RAB43: variants seen among roughly 807,000 people sequenced by gnomAD.
RAB43 encodes the protein ras-related protein Rab-43.
Under a neutral mutation model 18.8 loss-of-function variants are expected in RAB43, and 6 were observed. The ratio of observed to expected loss-of-function variants is 0.32; its 90% CI spans 0.17 to 0.63. RAB43 has a LOEUF of 0.63. Ranked by LOEUF, RAB43 falls within the 30% of genes least tolerant of loss-of-function variation. The probability of loss-of-function intolerance (pLI) is 0.79; values close to 1 mark genes in which losing one functional copy is unlikely to be tolerated. For missense variants in RAB43, 195 were observed against 289.1 expected (o/e 0.67, Z 2.36); for synonymous variants, 103 against 124.1 (o/e 0.83, Z 1.13).
At chr3:129,110,666 G>A (rs555733287) in intron 1 of RAB43, among the ~76,000 whole-genome samples, 3 of 149,728 alleles carry the variant, frequency 2.0e-5, no homozygotes, top group East Asian at 1.9e-4. Context: ...GTGAAACCCC[G>A]TCTCTATTAA....
rs372100284 is a variant in RAB43, at chr3:129,115,848, T to A, written c.204+5438A>T. ...AAAAACAAATAAAAATATTAAATGG[T>A]AGATTCTAGAAATAATGCATAAGTC... On this transcript the variant is annotated intron_variant, in intron 1 of 2. Transcript: ENST00000315150. 1.5e-4 allele frequency among the ~76,000 whole-genome samples: 23 copies of A among 152,232 alleles called. 1 individual carries two copies. In the East Asian group the frequency reaches 4.2e-3, roughly 28 times the overall value.
rs56235562 is a variant in RAB43, at chr3:129,121,068, GCCCCC to G, written c.204+213_204+217del. On this transcript the variant is annotated intron_variant, in intron 1 of 2. Coordinates refer to ENST00000315150, the MANE Select transcript of RAB43 (RefSeq NM_198490.3). ...AGGGCCGCCTCCTCCACACTCCCTC[GCCCCC>G]CCCCCCCCCAGCAACCCACGGCCGG... Among the ~76,000 whole-genome samples the G allele has an allele frequency of 3.7e-5, 3 of 82,156 alleles. No individual in the cohort carries two copies. The South Asian group carries it at 1.3e-3, about 36-fold the overall frequency. The allele number at this position is 82,156 out of a possible 152,430, so 53.9% of individuals were successfully genotyped here. A position where few individuals can be genotyped will look rare whatever the true frequency, so the allele number is the denominator to read the frequency against.
intron 1 of RAB43, among the ~76,000 whole-genome samples, chr3:129,098,122 T>A (rs1018399096): frequency 6.6e-6 from 1 of 151,756 alleles, no homozygotes; most frequent in Non-Finnish European, 1.5e-5. Flanking sequence ...GGTTCAGGAG[T>A]GCTAGGGGAT....
In RAB43 at chr3:129,095,306, C is replaced by A. The variant is rs73212412; in HGVS notation, c.205-137G>T. On this transcript the variant is annotated intron_variant, in intron 1 of 2. Transcript: ENST00000315150. This position sits in a 1 kb window ranked among gnomAD's most constrained non-coding sequence, Gnocchi z 4.2. The stretch of plus-strand genomic sequence containing the variant: ...CCTTCTGAGTCCTTAGAAAGCAACT[C>A]AATGGCTCAACCTTGTTGGAAAAAT... The A allele has an allele frequency of 1.6e-6, 2 of 1,247,570 alleles. No homozygotes were observed. The highest frequency in any genetic ancestry group is 5.8e-5 in the Admixed American group (2 of 34,580). The allele number at this position is 1,247,570 out of a possible 1,614,324, so 77.3% of individuals were successfully genotyped here. A position where few individuals can be genotyped will look rare whatever the true frequency, so the allele number is the denominator to read the frequency against.
Position 129,095,043 on chromosome 3 carries a change from G to A in RAB43, c.331C>T (p.His111Tyr). The change falls in exon 2 of 3, where the codon CAC (histidine) becomes TAC (tyrosine). Residue 111 changes from histidine to tyrosine, a missense_variant. Physicochemically the swap from His to Tyr is moderately conservative, Grantham distance 83 (BLOSUM62 2). Coordinates refer to ENST00000315150, the MANE Select transcript of RAB43 (RefSeq NM_198490.3). The surrounding 1 kb of genome is among the most constrained non-coding windows in gnomAD (Gnocchi z 4.2). ...TACTTCCTCACATCCTCAATCCAGT[G>A]AGGCACCGACAGGAAGGAGCTCCTC... is the stretch of plus-strand genomic sequence containing the variant. ...TKRSSFLSVP[H>Y]WIEDVRKYAG... The A allele has an allele frequency of 6.2e-7, 1 of 1,613,810 alleles. No individual in the cohort carries two copies. The highest frequency in any genetic ancestry group is 8.5e-7 in the Non-Finnish European group (1 of 1,179,812).
upstream of RAB43, chr3:129,122,120 A>C: frequency 8.6e-6 from 1 of 116,368 alleles, no homozygotes; most frequent in Non-Finnish European, 1.7e-5. Flanking sequence ...CTCTGCCTTC[A>C]GGCCCACCTC....
At chr3:129,112,017 G>T (rs142706991) in intron 1 of RAB43, among the ~76,000 whole-genome samples, 3 of 152,194 alleles carry the variant, frequency 2.0e-5, no homozygotes, top group Non-Finnish European at 4.4e-5. Flanking sequence ...GGGAGGCTGA[G>T]GCAGGTGGAT....
At chr3:129,091,904 TA>T (rs1026271421) in intron 2 of RAB43, among the ~76,000 whole-genome samples, 2 of 150,998 alleles carry the variant, frequency 1.3e-5, no homozygotes, top group South Asian at 4.2e-4. Flanking sequence ...CGTCTCTACT[TA>T]AAAAAAATAC....
intron 1 of RAB43, among the ~76,000 whole-genome samples, chr3:129,109,843 G>GT (rs1935035675): frequency 6.6e-6 from 1 of 151,792 alleles, no homozygotes; most frequent in South Asian, 2.1e-4. Context: ...TGAGGAGAAA[G>GT]TAAAAGTGTG....
At chr3:129,100,830 C>T (rs564952531) in intron 1 of RAB43, among the ~76,000 whole-genome samples, 28 of 151,944 alleles carry the variant, frequency 1.8e-4, no homozygotes, top group African/African-American at 6.5e-4. Context: ...TTTTTTGAGA[C>T]GAGTCTCGCT....
rs1045212426 is a variant in RAB43 at position 129,107,670 on chromosome 3, G to A, written c.205-12501C>T. Reference sequence around the variant, plus strand: ...CAGTGTCCCTGGTAGACAGCCTCTTGGAGCCCTCACAGCCTCCACAAGAAT... The same window carrying A: ...CAGTGTCCCTGGTAGACAGCCTCTTAGAGCCCTCACAGCCTCCACAAGAAT... On this transcript the variant is annotated intron_variant, in intron 1 of 2. Transcript: ENST00000315150. This position sits in a 1 kb window ranked among gnomAD's most constrained non-coding sequence, Gnocchi z 4.2. 6.6e-6 allele frequency among the ~76,000 whole-genome samples: 1 copy of A among 152,078 alleles called. No homozygotes were observed. The highest frequency in any genetic ancestry group is 1.5e-5 in the Non-Finnish European group (1 of 68,004).
intron 2 of RAB43, among the ~76,000 whole-genome samples, chr3:129,094,479 C>T (rs1933885663): frequency 7.4e-6 from 1 of 134,566 alleles, no homozygotes; most frequent in Non-Finnish European, 1.6e-5. Flanking sequence ...CTTCTTTCCT[C>T]TAATTCCAAT....
chr3:129,105,605 C>T (rs544831112), intron 1 of RAB43, among the ~76,000 whole-genome samples: 4 of 151,956 alleles, frequency 2.6e-5, no homozygotes, highest in Admixed American at 6.5e-5. Context: ...CATAGTGAAA[C>T]GCTGTTTCTA....
At position 129,101,734 on chromosome 3, in the gene RAB43, T is replaced by G. The variant is rs745367021; in HGVS notation, c.205-6565A>C. Among the ~76,000 whole-genome samples, 117 of 152,200 alleles carry G rather than the reference T, an allele frequency of 7.7e-4. 10 individuals are homozygous for G. The highest frequency in any genetic ancestry group is 2.4e-4 in the Non-Finnish European group (16 of 68,032). ...CTGGGAGGAGACACGTTCAGAGACA[T>G]GGGCCAGAGCCAGAGCATATAGGAT... On this transcript the variant is annotated intron_variant, in intron 1 of 2. Coordinates refer to ENST00000315150, the MANE Select transcript of RAB43 (RefSeq NM_198490.3).
At chr3:129,112,037 C>A (rs1935203007) in intron 1 of RAB43, among the ~76,000 whole-genome samples, 1 of 152,020 alleles carries the variant, frequency 6.6e-6, no homozygotes, top group African/African-American at 2.4e-5. Context: ...TTTCTTGAGT[C>A]CAGGAGTTCA....
intron 2 of RAB43, among the ~76,000 whole-genome samples, chr3:129,091,963 C>T (rs759299682): frequency 2.7e-5 from 4 of 149,928 alleles, no homozygotes; most frequent in Middle Eastern, 3.4e-3. Context: ...CCCAGCTACT[C>T]GGGTGCCTGA....
chr3:129,121,157 G>A (rs1935899853), intron 1 of RAB43, 129 bp downstream of exon 1: 1 of 830,234 alleles, frequency 1.2e-6, no homozygotes, highest in African/African-American at 1.8e-5. Context: ...CCGACCCGAG[G>A]AAGGAAAAAG....
intron 1 of RAB43, among the ~76,000 whole-genome samples, chr3:129,108,895 T>C (rs1010697549): frequency 1.3e-5 from 2 of 152,204 alleles, no homozygotes; most frequent in African/African-American, 4.8e-5. Flanking sequence ...CCTCCTGTGC[T>C]GCAGGATGAA....
intron 1 of RAB43, among the ~76,000 whole-genome samples, chr3:129,099,897 T>C (rs1160516789): frequency 6.6e-6 from 1 of 152,126 alleles, no homozygotes; most frequent in East Asian, 1.9e-4. Flanking sequence ...AATACCAAAC[T>C]GTCTCATACT....
Sources: gnomAD v4.1 joint callset for allele counts (sites outside exome capture counted in the v4.1 genomes callset) on GRCh38, gnomAD v4.1.1 for gene constraint, Gnocchi (gnomAD v3.1) non-coding constraint, MANE v1.5 for transcripts, NCBI Gene and HGNC (gene_info 2026-07-23, HGNC 2026-07-21) for gene names.